Variants in LMAN1L observed in about 807,000 individuals in gnomAD.
LMAN1L encodes the protein protein ERGIC-53-like.
In LMAN1L, 60 loss-of-function variants were observed where a neutral mutation model predicts 58.3. The observed-to-expected ratio is 1.03, with a 90% CI of 0.84 to 1.27. The LOEUF (loss-of-function observed/expected upper bound fraction) is 1.27. Among genes scored for constraint, LMAN1L ranks in the 50% most tolerant of loss-of-function variants. LMAN1L has a pLI of 0.00. For synonymous variants in LMAN1L, 280 were observed against 271.6 expected, an observed-to-expected ratio of 1.03 and a Z score of -0.31; for missense variants, 629 against 674.0, an observed-to-expected ratio of 0.93 and a Z score of 0.74.
At position 74,825,514 on chromosome 15, in the gene LMAN1L, C is replaced by T; in HGVS notation, c.1490C>T (p.Thr497Ile). The T allele has an allele frequency of 6.2e-7, 1 of 1,613,714 alleles. No individual in the cohort carries two copies. The highest frequency in any genetic ancestry group is 8.5e-7 in the Non-Finnish European group (1 of 1,179,722). The change falls in exon 14 of 14, where the codon ACA becomes ATA. Residue 497 changes from threonine to isoleucine, a missense_variant. Physicochemically the swap from Thr to Ile is moderately conservative, Grantham distance 89. Transcript: ENST00000309664. ...LNKSLQECLS[T>I]GSLPLGPAPH... Reference sequence around the variant, plus strand: ...AAGAGCCTTCAGGAGTGTCTGTCCACAGGCAGCCTTCCTCTGGGTCCTGCA... The same window carrying T: ...AAGAGCCTTCAGGAGTGTCTGTCCATAGGCAGCCTTCCTCTGGGTCCTGCA...
In LMAN1L at chr15:74,816,476, G is replaced by A. The variant is rs1004061620; in HGVS notation, c.380G>A (p.Gly127Glu). The change falls in exon 3 of 14, where the codon GGG (glycine) becomes GAG (glutamate). Residue 127 changes from glycine to glutamate, a missense_variant. This residue lies in a region of LMAN1L where 573 missense variants were observed against 597.3 expected (regional missense o/e 0.96). Transcript: ENST00000309664. ...GGCCATGTAGGCTCTGTCCTTGGGGGGCTGGCTTCGTGGGACGGCATCGGG... is the reference window on the plus strand; with the variant it reads ...GGCCATGTAGGCTCTGTCCTTGGGGAGCTGGCTTCGTGGGACGGCATCGGG... Reference protein sequence around the residue: ...GRGHVGSVLGGLASWDGIGIF... With the variant: ...GRGHVGSVLGELASWDGIGIF... 3 of 1,550,922 alleles carry A rather than the reference G, an allele frequency of 1.9e-6. No homozygotes were observed. Among genetic ancestry groups the A allele is most frequent in the African/African-American group, 2.7e-5 (2 of 73,512 alleles).
chr15:74,823,429 A>C, intron 11 of LMAN1L, 130 bp from the exon 12 acceptor site: 1 of 929,528 alleles, frequency 1.1e-6, no homozygotes. Context: ...AGCCCCCAAG[A>C]AGGGGCCCCA....
chr15:74,816,166 T>C lies in LMAN1L; in HGVS notation c.185T>C (p.Leu62Pro). The change falls in exon 2 of 14, where the codon CTG becomes CCG. Residue 62 changes from leucine (L) to proline (P), a missense_variant. Physicochemically the swap from Leu to Pro is moderately conservative, Grantham distance 98 (BLOSUM62 -3). This residue lies in a region of LMAN1L where 573 missense variants were observed against 597.3 expected (regional missense o/e 0.96). Transcript: ENST00000309664. ...CTGCCCTTGTCCACAGACGCCATCC[T>C]GGGCCTGGAGGAAGTGCGGCTGACG... ...PFWSHHGDAI[L>P]GLEEVRLTPS... 6.5e-7 allele frequency: 1 copy of C among 1,549,916 alleles called. No homozygotes were observed. The highest frequency in any genetic ancestry group is 8.7e-7 in the Non-Finnish European group (1 of 1,147,504).
chr15:74,819,688 G>A (rs1183463329), intron 6 of LMAN1L: 2 of 491,460 alleles, frequency 4.1e-6, no homozygotes, highest in Admixed American at 3.4e-5. Flanking sequence ...CATGGTCAGA[G>A]CTATGCTGGA....
chr15:74,825,634 G>A lies in LMAN1L; in HGVS notation c.*29G>A. 11 of 1,595,852 alleles carry A rather than the reference G, an allele frequency of 6.9e-6. No homozygotes were observed. The highest frequency in any genetic ancestry group is 9.4e-6 in the Non-Finnish European group (11 of 1,168,274). On this transcript the variant is annotated 3_prime_UTR_variant, in exon 14 of 14. Coordinates refer to ENST00000309664, the MANE Select transcript of LMAN1L (RefSeq NM_021819.3). ...ACCTCAGAGCCTGCTTTGCATCACT[G>A]GGAAGCAGGCAGTGTCTTGGGTGGG...
Position 74,812,945 on chromosome 15 carries a change from C to T in LMAN1L, c.91C>T (p.Arg31Cys), listed in dbSNP as rs763491666. The change falls in exon 1 of 14, where the codon CGC (arginine) becomes TGC (cysteine). Residue 31 changes from arginine (R) to cysteine (C), a missense_variant. Arg to Cys is a radical substitution (Grantham distance 180). Around this residue, in one of 3 missense-constraint regions of LMAN1L, gnomAD observed 573 missense variants for 597.3 expected, o/e 0.96. Coordinates refer to ENST00000309664, the MANE Select transcript of LMAN1L (RefSeq NM_021819.3). ...HSPETGCPPL[R>C]RFEYKLSFKG... ...CCCTGAGACGGGGTGTCCTCCTCTA[C>T]GCAGGTTTGAGTACAAGCTCAGCTT... 1.7e-5 allele frequency: 28 copies of T among 1,613,994 alleles called. No individual in the cohort carries two copies. The highest frequency in any genetic ancestry group is 3.3e-5 in the South Asian group (3 of 91,080).
chr15:74,820,261 GGT>G (rs1447790008), intron 7 of LMAN1L, 162 bp downstream of exon 7: 1 of 684,956 alleles, frequency 1.5e-6, no homozygotes, highest in East Asian at 2.7e-5. Context: ...GGCCAGGGCC[GGT>G]GTGTGAGGTC....
intron 1 of LMAN1L, among the ~76,000 whole-genome samples, chr15:74,815,475 C>T (rs934353913): frequency 6.6e-6 from 1 of 152,220 alleles, no homozygotes; most frequent in Admixed American, 6.5e-5. Context: ...GCTCCTTCCT[C>T]CCCGCCCCAC....
At chr15:74,819,732 G>A (rs2063908249) in intron 6 of LMAN1L, 1 of 512,942 alleles carries the variant, frequency 1.9e-6, no homozygotes, top group East Asian at 3.4e-5. Context: ...ACTACCAGTA[G>A]CAGCTGTGCT....
In LMAN1L at chr15:74,823,617, G is replaced by C; in HGVS notation, c.1258G>C (p.Glu420Gln). ...AQVSYLPVGI[E>Q]HHFLELDHIL... ...GGTCTCCTACCTGCCTGTGGGCATT[G>C]AGCATCATTTCTTAGAGCTGGACCA... The change falls in exon 12 of 14, where the codon GAG becomes CAG. Residue 420 changes from glutamate (E) to glutamine (Q), a missense_variant. Glu to Gln is a conservative substitution (Grantham distance 29). Transcript: ENST00000309664. The C allele has an allele frequency of 1.2e-6, 2 of 1,613,968 alleles. No individual in the cohort carries two copies.
rs547660247 is a variant in LMAN1L at position 74,821,234 on chromosome 15, G to A, written c.1059+8G>A. 9 of 1,547,978 alleles carry A rather than the reference G, an allele frequency of 5.8e-6. No individual in the cohort carries two copies. The African/African-American group carries it at 1.2e-4, about 21-fold the overall frequency. ...AGGCCTGACGGAGGCTGGGTGAGAA[G>A]CCCTACAGGCATCCAAGGCTCCACC... On this transcript the variant is annotated splice_region_variant and intron_variant, in intron 9 of 13. Transcript: ENST00000309664.
rs775142020 is a variant in LMAN1L, at chr15:74,816,353, G to C, written c.330+42G>C. 9 of 1,605,616 alleles carry C rather than the reference G, an allele frequency of 5.6e-6. No homozygotes were observed. The African/African-American group carries it at 9.4e-5, about 17-fold the overall frequency. On this transcript the variant is annotated intron_variant, in intron 2 of 13. Transcript: ENST00000309664. ...AGAGCTGACAGAGCGGGGTGGGTCAGGGAGGCGGGTGATGAGCCCCGGGGT... is the reference window on the plus strand; with the variant it reads ...AGAGCTGACAGAGCGGGGTGGGTCACGGAGGCGGGTGATGAGCCCCGGGGT...
At chr15:74,816,832 T>A in intron 4 of LMAN1L, 142 bp downstream of exon 4, 1 of 771,852 alleles carries the variant, frequency 1.3e-6, no homozygotes, top group Non-Finnish European at 2.0e-6. Flanking sequence ...CTCTCTCACT[T>A]AGCCGACGTC....
rs780040539 is a variant in LMAN1L at position 74,818,767 on chromosome 15, C to G, written c.547C>G (p.Arg183Gly). Residue 183 changes from arginine to glycine, a missense_variant, in exon 5 of 14, where the codon CGG (arginine) becomes GGG (glycine). Around this residue, in one of 3 missense-constraint regions of LMAN1L, gnomAD observed 573 missense variants for 597.3 expected, o/e 0.96. Coordinates refer to ENST00000309664, the MANE Select transcript of LMAN1L (RefSeq NM_021819.3). ...LGSCHWDFRN[R>G]PHPFRARITY... Reference sequence around the variant, plus strand: ...CTCCTGTCATTGGGACTTCCGGAACCGGCCACACCCCTTCAGAGCACGGAT... The same window carrying G: ...CTCCTGTCATTGGGACTTCCGGAACGGGCCACACCCCTTCAGAGCACGGAT... The G allele has an allele frequency of 6.2e-7, 1 of 1,612,008 alleles. No individual in the cohort carries two copies. The highest frequency in any genetic ancestry group is 2.2e-5 in the East Asian group (1 of 44,834).
chr15:74,814,493 T>C (rs548759549), intron 1 of LMAN1L, among the ~76,000 whole-genome samples: 47 of 150,632 alleles, frequency 3.1e-4, no homozygotes, highest in South Asian at 6.3e-4. Context: ...CCTGCCTCAG[T>C]CTCCCGAGTA....
At chr15:74,823,845 G>C in intron 12 of LMAN1L, 163 bp downstream of exon 12, 1 of 684,050 alleles carries the variant, frequency 1.5e-6, no homozygotes, top group Non-Finnish European at 2.4e-6. Context: ...CTGTGTGTCC[G>C]TGCATACGTG....
rs1007892579 is a variant in LMAN1L, at chr15:74,825,554, G to T, written c.1530G>T (p.Arg510Ser). 6.2e-7 allele frequency: 1 copy of T among 1,613,390 alleles called. No individual in the cohort carries two copies. Among genetic ancestry groups the T allele is most frequent in the Non-Finnish European group, 8.5e-7 (1 of 1,179,580 alleles). The change falls in exon 14 of 14, where the codon AGG becomes AGT. Residue 510 changes from arginine to serine, a missense_variant. By Grantham distance (110) the Arg-to-Ser change is moderately radical. Around this residue, in one of 3 missense-constraint regions of LMAN1L, gnomAD observed 53 missense variants for 59.7 expected, o/e 0.89. Transcript: ENST00000309664. The stretch of plus-strand genomic sequence containing the variant: ...TGGGTCCTGCACCACACACCCCCAG[G>T]GCCCTGGGGATTCTGAGGAGGCAGC... ...LPLGPAPHTP[R>S]ALGILRRQPL...
intron 10 of LMAN1L, among the ~76,000 whole-genome samples, chr15:74,822,119 G>C (rs996112991): frequency 3.6e-5 from 5 of 138,556 alleles, no homozygotes; most frequent in African/African-American, 1.8e-4. Context: ...TCAAAAGACT[G>C]ACACCATCGG....
At chr15:74,823,814 C>T in intron 12 of LMAN1L, 132 bp downstream of exon 12, 2 of 1,041,326 alleles carry the variant, frequency 1.9e-6, no homozygotes, top group Admixed American at 4.6e-5. Context: ...CTGGCAAGCA[C>T]ATCTGTGCCT....
Sources: gnomAD v4.1 joint callset for allele counts (sites outside exome capture counted in the v4.1 genomes callset) on GRCh38, gnomAD v4.1.1 for gene constraint, gnomAD v4.1.1 regional missense constraint, MANE v1.5 for transcripts, NCBI Gene and HGNC (gene_info 2026-07-23, HGNC 2026-07-21) for gene names.